BRINP2: variants seen among roughly 807,000 people sequenced by gnomAD.
BRINP2 encodes the protein BMP/retinoic acid inducible neural specific 2, also known as BMP/retinoic acid-inducible neural-specific protein 2.
Under a neutral mutation model 69.2 loss-of-function variants are expected in BRINP2, and 21 were observed. That is an observed-to-expected ratio of 0.30 (90% CI 0.22 to 0.44). BRINP2 has a LOEUF of 0.44. BRINP2 is among the 20% of genes least tolerant of loss of function. BRINP2 has a pLI of 1.00. For synonymous variants in BRINP2, 380 were observed against 394.1 expected (o/e 0.96, Z 0.42); for missense variants, 877 against 986.0 (o/e 0.89, Z 1.48).
intron 5 of BRINP2, 123 bp from the exon 6 acceptor site, chr1:177,276,075 C>T: frequency 1.1e-6 from 1 of 882,428 alleles, no homozygotes; most frequent in Non-Finnish European, 1.8e-6. Flanking sequence ...CTGTGGTGCC[C>T]ATGCTTGGGC....
At chr1:177,257,536 G>GA (rs1558180321) in intron 4 of BRINP2, 152 bp downstream of exon 4, 1 of 763,050 alleles carries the variant, frequency 1.3e-6, no homozygotes, top group African/African-American at 1.8e-5. Context: ...CTTCAGACAC[G>GA]ATGGGGTCAT....
At chr1:177,174,261 T>C (rs1037923705) in intron 1 of BRINP2, among the ~76,000 whole-genome samples, 2 of 152,200 alleles carry the variant, frequency 1.3e-5, no homozygotes, top group Non-Finnish European at 2.9e-5. Flanking sequence ...GGGCTTCTTC[T>C]AAGGAATGGT....
At chr1:177,182,034 A>C (rs892666734) in intron 1 of BRINP2, among the ~76,000 whole-genome samples, 6 of 152,308 alleles carry the variant, frequency 3.9e-5, no homozygotes, top group African/African-American at 1.4e-4. Context: ...TGTGCGGAGA[A>C]GGAATGGGGA....
At chr1:177,172,481 A>G (rs1287856630) in intron 1 of BRINP2, among the ~76,000 whole-genome samples, 1 of 152,166 alleles carries the variant, frequency 6.6e-6, no homozygotes, top group African/African-American at 2.4e-5. Context: ...TCACAGCTGT[A>G]TGCAGGAAAC....
intron 1 of BRINP2, among the ~76,000 whole-genome samples, chr1:177,182,216 C>T (rs1459558058): frequency 6.6e-6 from 1 of 151,050 alleles, no homozygotes; most frequent in Non-Finnish European, 1.5e-5. Context: ...AGAGACTGCC[C>T]TCTTTGGCAA....
intron 1 of BRINP2, among the ~76,000 whole-genome samples, chr1:177,189,690 T>C (rs1648531860): frequency 6.6e-6 from 1 of 152,182 alleles, no homozygotes; most frequent in African/African-American, 2.4e-5. Flanking sequence ...TGATAATTAC[T>C]TTAAACAGAG....
chr1:177,270,850 A>G (rs1353709680), intron 4 of BRINP2, among the ~76,000 whole-genome samples: 1 of 152,190 alleles, frequency 6.6e-6, no homozygotes, highest in African/African-American at 2.4e-5. Context: ...TGGGACAGTT[A>G]TTGGCCATGG....
At chr1:177,277,660 C>A (rs773683630) in intron 6 of BRINP2, among the ~76,000 whole-genome samples, 1 of 151,950 alleles carries the variant, frequency 6.6e-6, no homozygotes, top group Non-Finnish European at 1.5e-5. Flanking sequence ...ACAAGGCATT[C>A]GGTAGCGAAG....
At chr1:177,255,123 A>G (rs1439599212) in intron 2 of BRINP2, among the ~76,000 whole-genome samples, 1 of 152,246 alleles carries the variant, frequency 6.6e-6, no homozygotes, top group East Asian at 1.9e-4. Context: ...AGTTTAGTGT[A>G]GTACCAAAGA....
intron 2 of BRINP2, among the ~76,000 whole-genome samples, chr1:177,234,873 A>G (rs1025700720): frequency 6.6e-6 from 1 of 152,214 alleles, no homozygotes; most frequent in African/African-American, 2.4e-5. Context: ...AGATTTGTAG[A>G]ATGAAACTGA....
At position 177,218,666 on chromosome 1, in the gene BRINP2, C is replaced by T. The variant is rs190269995; in HGVS notation, c.-76-11135C>T. 3.6e-3 allele frequency among the ~76,000 whole-genome samples: 543 copies of T among 152,086 alleles called. 6 individuals carry two copies. Among genetic ancestry groups the T allele is most frequent in the African/African-American group, 0.013 (522 of 41,486 alleles). ...TGGGAAAGTTGGATATTTGCTTTCC[C>T]GCTGTAGAAACCATGGGCCCTAGGG... On this transcript the variant is annotated intron_variant, in intron 1 of 7. Transcript: ENST00000361539.
chr1:177,192,672 G>C (rs1197473944), intron 1 of BRINP2, among the ~76,000 whole-genome samples: 6 of 152,048 alleles, frequency 3.9e-5, no homozygotes, highest in Non-Finnish European at 7.4e-5. Context: ...GCTTAATTTT[G>C]GATTATTTAC....
intron 5 of BRINP2, among the ~76,000 whole-genome samples, chr1:177,274,104 G>A (rs1273234249): frequency 6.6e-6 from 1 of 152,192 alleles, no homozygotes; most frequent in Non-Finnish European, 1.5e-5. Flanking sequence ...TTATTTGTCT[G>A]TGATCTTGCA....
chr1:177,280,307 C>T, intron 7 of BRINP2, 105 bp from the exon 8 acceptor site: 1 of 1,187,022 alleles, frequency 8.4e-7, no homozygotes, highest in Non-Finnish European at 1.2e-6. Context: ...TTTTATTTTC[C>T]TCATTGCCTT....
rs1329558720 is a variant in BRINP2 at position 177,187,242 on chromosome 1, C to T, written c.-77+15510C>T. On this transcript the variant is annotated intron_variant, in intron 1 of 7. Transcript: ENST00000361539. ...TAGCATATTGTGCCCCCCTAACCCT[C>T]ACCCTGCCACACCTAACAGAAAATG... 5.9e-5 allele frequency among the ~76,000 whole-genome samples: 9 copies of T among 152,240 alleles called. No individual in the cohort carries two copies. The South Asian group carries it at 1.9e-3, about 32-fold the overall frequency.
intron 2 of BRINP2, among the ~76,000 whole-genome samples, chr1:177,234,529 A>C (rs1012349056): frequency 6.6e-6 from 1 of 152,150 alleles, no homozygotes; most frequent in African/African-American, 2.4e-5. Flanking sequence ...TTGTATTAAG[A>C]TTTTAATAGA....
At chr1:177,275,685 G>A (rs560066872) in intron 5 of BRINP2, among the ~76,000 whole-genome samples, 5 of 152,250 alleles carry the variant, frequency 3.3e-5, no homozygotes, top group African/African-American at 1.2e-4. Context: ...CAGCTTCCTT[G>A]GTCATCAGAG....
intron 1 of BRINP2, among the ~76,000 whole-genome samples, chr1:177,182,221 T>A (rs1648280497): frequency 1.3e-5 from 2 of 150,888 alleles, no homozygotes; most frequent in Non-Finnish European, 3.0e-5. Flanking sequence ...CTGCCCTCTT[T>A]GGCAACTCCC....
chr1:177,207,044 C>T (rs1649087245), intron 1 of BRINP2, among the ~76,000 whole-genome samples: 1 of 152,116 alleles, frequency 6.6e-6, no homozygotes, highest in Admixed American at 6.6e-5. Context: ...TGTTTATGGG[C>T]AGGAAGCTAT....
Sources: gnomAD v4.1 joint callset for allele counts (sites outside exome capture counted in the v4.1 genomes callset) on GRCh38, gnomAD v4.1.1 for gene constraint, MANE v1.5 for transcripts, NCBI Gene and HGNC (gene_info 2026-07-23, HGNC 2026-07-21) for gene names.